The following IFT74 variants were observed in gnomAD, a reference collection of about 807,000 sequenced individuals.
The protein encoded by IFT74 is intraflagellar transport 74.
IFT74 carries 92 observed loss-of-function variants against 96.7 expected under a neutral mutation model. The ratio of observed to expected loss-of-function variants is 0.95; its 90% CI spans 0.80 to 1.13. The LOEUF is 1.13. IFT74 is among the 50% of genes most tolerant of loss of function. The probability of loss-of-function intolerance (pLI) is 0.00; values close to 1 mark genes in which losing one functional copy is unlikely to be tolerated. For synonymous variants in IFT74, 223 were observed against 213.2 expected, an observed-to-expected ratio of 1.05 and a Z score of -0.40; for missense variants, 811 against 698.2, an observed-to-expected ratio of 1.16 and a Z score of -1.82.
rs570372695 is a variant in IFT74 at position 27,017,210 on chromosome 9, C to T, written c.933+160C>T. Among the ~76,000 whole-genome samples the T allele has an allele frequency of 2.4e-3, 360 of 151,400 alleles. 1 individual carries two copies. The highest frequency in any genetic ancestry group is 8.4e-3 in the African/African-American group (345 of 41,242). On this transcript the variant is annotated intron_variant, in intron 11 of 19. Transcript: ENST00000380062. ...TGACTTTTTAATCTAGATTTTCTTC[C>T]TCTTTTATTATTATTATTATTATTA...
chr9:27,023,796 C>G (rs1057430136), intron 12 of IFT74, among the ~76,000 whole-genome samples: 6 of 152,162 alleles, frequency 3.9e-5, no homozygotes, highest in African/African-American at 1.4e-4. Flanking sequence ...CCCCTTCCAT[C>G]ACCCACATTG....
At chr9:27,036,578 C>T (rs1229253310) in intron 13 of IFT74, 1 of 1,587,744 alleles carries the variant, frequency 6.3e-7, no homozygotes, top group African/African-American at 1.4e-5. Flanking sequence ...GCTATAGCCT[C>T]CCATTGTTTC....
chr9:27,053,788 A>G (rs1820037281), intron 16 of IFT74, among the ~76,000 whole-genome samples: 1 of 152,236 alleles, frequency 6.6e-6, no homozygotes, highest in Admixed American at 6.5e-5. Context: ...TTAGATTTAT[A>G]TCAGTGTTTA....
intron 12 of IFT74, among the ~76,000 whole-genome samples, chr9:27,022,345 AT>A (rs1463738821): frequency 6.6e-6 from 1 of 150,798 alleles, no homozygotes; most frequent in Admixed American, 6.6e-5. Context: ...TGAATTTTGG[AT>A]TTTTTTTTCT....
chr9:26,990,248 T>TGA, intron 8 of IFT74, 53 bp downstream of exon 8: 1 of 898,464 alleles, frequency 1.1e-6, no homozygotes. Context: ...TATTAGGTAG[T>TGA]TTAAGTTGTG....
intron 8 of IFT74, among the ~76,000 whole-genome samples, chr9:26,996,863 A>G (rs1427982312): frequency 6.6e-6 from 1 of 152,132 alleles, no homozygotes; most frequent in Admixed American, 6.6e-5. Context: ...AGTCTGACAT[A>G]TTGACTTTGC....
intron 16 of IFT74, among the ~76,000 whole-genome samples, chr9:27,049,658 A>G (rs10967681): frequency 0.082 from 12,431 of 152,144 alleles, 1,662 homozygotes; most frequent in East Asian, 0.67. Flanking sequence ...TCCTCAAGAA[A>G]CTTTCAACTT....
intron 2 of IFT74, among the ~76,000 whole-genome samples, chr9:26,977,459 T>TA (rs1315272816): frequency 1.3e-5 from 2 of 152,304 alleles, no homozygotes; most frequent in Admixed American, 1.3e-4. Flanking sequence ...GAATTATAAA[T>TA]ACCATCTTGT....
At chr9:27,061,945 C>T (rs1820444609) in intron 19 of IFT74, among the ~76,000 whole-genome samples, 1 of 152,090 alleles carries the variant, frequency 6.6e-6, no homozygotes, top group Non-Finnish European at 1.5e-5. Flanking sequence ...GAAGTTGTAA[C>T]AGATATTTCC....
chr9:27,050,875 A>T (rs1819891408), intron 16 of IFT74, among the ~76,000 whole-genome samples: 2 of 152,058 alleles, frequency 1.3e-5, no homozygotes, highest in Admixed American at 1.3e-4. Flanking sequence ...CCTAGAACTT[A>T]AAGTATAATA....
rs2131541200 is a variant in IFT74 at position 26,984,355 on chromosome 9, GGTGA to G, written c.404+3_404+6del. On this transcript the variant is annotated splice_donor_variant and splice_donor_region_variant and intron_variant, in intron 5 of 19. Coordinates refer to ENST00000380062, the MANE Select transcript of IFT74 (RefSeq NM_025103.4). LOFTEE classifies it high-confidence loss of function. ...TCAGTATATTTGTCATATGAAAAGA[GGTGA>G]GTAATAAGTATTCAGTATTCATTCA... is the stretch of plus-strand genomic sequence containing the variant. 1.9e-6 allele frequency: 3 copies of G among 1,584,112 alleles called. No individual in the cohort carries two copies. Among genetic ancestry groups the G allele is most frequent in the Admixed American group, 1.8e-5 (1 of 55,276 alleles).
rs547851796 is a variant in IFT74 at position 26,997,072 on chromosome 9, C to T, written c.587+6877C>T. 9.9e-5 allele frequency among the ~76,000 whole-genome samples: 15 copies of T among 151,846 alleles called. No homozygotes were observed. The East Asian group carries it at 2.6e-3, about 26-fold the overall frequency. ...CTAAAAATACAAAAAATTAGCCAGGCGTGGTGGCTCATGACTGTAATCCCA... is the reference window on the plus strand; with the variant it reads ...CTAAAAATACAAAAAATTAGCCAGGTGTGGTGGCTCATGACTGTAATCCCA... On this transcript the variant is annotated intron_variant, in intron 8 of 19. Transcript: ENST00000380062.
chr9:26,996,493 T>G (rs1828165589), intron 8 of IFT74: 1 of 1,436,672 alleles, frequency 7.0e-7, no homozygotes, highest in Non-Finnish European at 9.2e-7. Flanking sequence ...GGTGATGTTC[T>G]CATTTTCTAG....
At position 27,048,172 on chromosome 9, in the gene IFT74, T is replaced by A. The variant is rs1804640326; in HGVS notation, c.1231T>A (p.Ser411Thr). Residue 411 changes from serine to threonine, a missense_variant, in exon 16 of 20, where the codon TCC becomes ACC. Physicochemically the swap from Ser to Thr is moderately conservative, Grantham distance 58. Coordinates refer to ENST00000380062, the MANE Select transcript of IFT74 (RefSeq NM_025103.4). ...SRNINRIEQI[S>T]SITNQELKMM... ...GAATATAAATCGTATAGAACAGATA[T>A]CCTCTATCACCAATCAAGAGCTAAA... 11 of 1,597,714 alleles carry A rather than the reference T, an allele frequency of 6.9e-6. No homozygotes were observed. The highest frequency in any genetic ancestry group is 9.4e-6 in the Non-Finnish European group (11 of 1,168,742).
intron 14 of IFT74, 89 bp downstream of exon 14, chr9:27,044,884 A>G (rs1031260015): frequency 4.5e-6 from 3 of 660,164 alleles, no homozygotes; most frequent in Non-Finnish European, 7.6e-6. Flanking sequence ...TTGGGCAGAT[A>G]TAATGGCTAA....
intron 8 of IFT74, among the ~76,000 whole-genome samples, chr9:27,008,516 G>A (rs1358151816): frequency 3.3e-5 from 5 of 151,930 alleles, no homozygotes; most frequent in African/African-American, 9.7e-5. Context: ...CCGCCACCAC[G>A]TGTGGCTAAT....
chr9:27,057,937 T>G (rs976774588), intron 18 of IFT74, among the ~76,000 whole-genome samples: 1 of 152,208 alleles, frequency 6.6e-6, no homozygotes, highest in African/African-American at 2.4e-5. Flanking sequence ...GTCATTTGAT[T>G]TTCCACTACA....
At chr9:26,990,295 C>T (rs966985436) in intron 8 of IFT74, 100 bp downstream of exon 8, 7 of 540,790 alleles carry the variant, frequency 1.3e-5, no homozygotes, top group Non-Finnish European at 2.1e-5. Context: ...TTAACAATTT[C>T]CCCATTGCCT....
intron 16 of IFT74, 44 bp downstream of exon 16, chr9:27,048,318 AT>A: frequency 7.7e-7 from 1 of 1,298,962 alleles, no homozygotes; most frequent in Non-Finnish European, 1.1e-6. Context: ...TTTTTAAAAT[AT>A]ATCAATGTTA....
Sources: gnomAD v4.1 joint callset for allele counts (sites outside exome capture counted in the v4.1 genomes callset) on GRCh38, gnomAD v4.1.1 for gene constraint, MANE v1.5 for transcripts, NCBI Gene and HGNC (gene_info 2026-07-23, HGNC 2026-07-21) for gene names.